The following LRRC28 variants were observed in gnomAD, a reference collection of about 807,000 sequenced individuals.
The protein encoded by LRRC28 is leucine rich repeat containing 28, also known as leucine-rich repeat-containing protein 28.
In LRRC28, 39 loss-of-function variants were observed where a neutral mutation model predicts 45.7. The observed-to-expected ratio is 0.85, with a 90% CI of 0.66 to 1.12. The LOEUF is 1.12. Ranked by LOEUF, LRRC28 falls within the 50% of genes most tolerant of loss-of-function variation. LRRC28 has a pLI of 0.00. For synonymous variants in LRRC28, 206 were observed against 178.8 expected (o/e 1.15, Z -1.22); for missense variants, 435 against 438.5 (o/e 0.99, Z 0.07).
intron 6 of LRRC28, chr15:99,338,190 G>A (rs1040423585): frequency 1.3e-5 from 2 of 152,210 alleles, no homozygotes; most frequent in Non-Finnish European, 2.9e-5. Flanking sequence ...TTGTCTTTCT[G>A]TTTCTGGGGG....
At chr15:99,287,768 A>G (rs1172672068) in intron 4 of LRRC28, 46 bp from the exon 5 acceptor site, 7 of 1,551,334 alleles carry the variant, frequency 4.5e-6, no homozygotes, top group Non-Finnish European at 6.1e-6. Context: ...GATTTGATGT[A>G]ATACTTGAGT....
chr15:99,369,480 T>G (rs1463489607), intron 9 of LRRC28, among the ~76,000 whole-genome samples: 1 of 152,044 alleles, frequency 6.6e-6, no homozygotes, highest in Non-Finnish European at 1.5e-5. Flanking sequence ...GAGGTTAGAG[T>G]TGAAGTTGCA....
intron 2 of LRRC28, among the ~76,000 whole-genome samples, chr15:99,271,723 A>G (rs2081484772): frequency 6.6e-6 from 1 of 152,120 alleles, no homozygotes; most frequent in Non-Finnish European, 1.5e-5. Context: ...CAGCCTCCAG[A>G]GTAGCTGGTA....
Position 99,288,000 on chromosome 15 carries a change from G to A in LRRC28, c.385+49G>A, listed in dbSNP as rs368857436. ...ATAGTTTCTTGTCTATTATAAATCT[G>A]TATTCATATTTCTCACTCTATGTCT... On this transcript the variant is annotated intron_variant, in intron 5 of 9. Coordinates refer to ENST00000301981, the MANE Select transcript of LRRC28 (RefSeq NM_144598.5). The A allele has an allele frequency of 2.7e-6, 4 of 1,491,414 alleles. No individual in the cohort carries two copies. In the South Asian group the frequency reaches 5.7e-5, roughly 21 times the overall value. The allele number at this position is 1,491,414 out of a possible 1,614,324, so 92.4% of individuals were successfully genotyped here. A position where few individuals can be genotyped will look rare whatever the true frequency, so the allele number is the denominator to read the frequency against.
intron 6 of LRRC28, among the ~76,000 whole-genome samples, chr15:99,342,090 G>T (rs1956534225): frequency 6.6e-6 from 1 of 152,194 alleles, no homozygotes; most frequent in Non-Finnish European, 1.5e-5. Flanking sequence ...CTTCTCTGAA[G>T]GAATTCTTGG....
At chr15:99,341,083 C>CTTTTTTTTTT (rs528372394) in intron 6 of LRRC28, among the ~76,000 whole-genome samples, 5 of 100,504 alleles carry the variant, frequency 5.0e-5, no homozygotes, top group African/African-American at 3.8e-5. Context: ...ATTCTACTGT[C>CTTTTTTTTTT]TTTTTTTTTT....
chr15:99,377,814 T>G (rs910204902), intron 9 of LRRC28, among the ~76,000 whole-genome samples: 197 of 152,192 alleles, frequency 1.3e-3, no homozygotes, highest in African/African-American at 3.9e-3. Context: ...TTTCCCCATT[T>G]CTTGTTTTTG....
At chr15:99,385,590 C>T (rs1400090539) in intron 9 of LRRC28, among the ~76,000 whole-genome samples, 2 of 152,200 alleles carry the variant, frequency 1.3e-5, no homozygotes, top group Admixed American at 6.5e-5. Context: ...GGATAAATTC[C>T]TTAAAATTAT....
intron 7 of LRRC28, among the ~76,000 whole-genome samples, chr15:99,353,240 G>A (rs1956942334): frequency 6.6e-6 from 1 of 152,054 alleles, no homozygotes; most frequent in Admixed American, 6.6e-5. Flanking sequence ...ACACCCCGGG[G>A]GCAACCTAAT....
chr15:99,340,702 G>A (rs138388552), intron 6 of LRRC28, among the ~76,000 whole-genome samples: 24 of 152,310 alleles, frequency 1.6e-4, no homozygotes, highest in African/African-American at 4.6e-4. Flanking sequence ...CAAAAAGTCC[G>A]AGAAGTTGGA....
chr15:99,342,549 T>G (rs1317188846), intron 6 of LRRC28, among the ~76,000 whole-genome samples: 1 of 152,170 alleles, frequency 6.6e-6, no homozygotes, highest in African/African-American at 2.4e-5. Context: ...AAATACCACA[T>G]AAGTATACAG....
rs763554527 is a variant in LRRC28 at position 99,287,242 on chromosome 15, C to CT, written c.210-10dup. ...CTTAATGATAATGGCTGTTTTTTTTCTTTTTCCTTCCTAGATACCTGCACT... is the reference window on the plus strand; with the variant it reads ...CTTAATGATAATGGCTGTTTTTTTTCTTTTTTCCTTCCTAGATACCTGCACT... On this transcript the variant is annotated splice_polypyrimidine_tract_variant and intron_variant, in intron 3 of 9. Transcript: ENST00000301981. The CT allele has an allele frequency of 8.3e-6, 13 of 1,559,710 alleles. No homozygotes were observed. The East Asian group carries it at 2.8e-4, about 34-fold the overall frequency.
chr15:99,308,549 G>A (rs2152259590), intron 5 of LRRC28, among the ~76,000 whole-genome samples: 1 of 152,278 alleles, frequency 6.6e-6, no homozygotes, highest in East Asian at 1.9e-4. Context: ...GCACGTGCCT[G>A]TAGTCCCAAC....
chr15:99,354,555 C>T (rs1206043991), intron 7 of LRRC28, among the ~76,000 whole-genome samples: 1 of 152,160 alleles, frequency 6.6e-6, no homozygotes, highest in Admixed American at 6.5e-5. Flanking sequence ...TGATTCAGAA[C>T]ACGAATTTTG....
intron 5 of LRRC28, among the ~76,000 whole-genome samples, chr15:99,320,981 T>G (rs958421401): frequency 6.6e-6 from 1 of 152,210 alleles, no homozygotes; most frequent in Non-Finnish European, 1.5e-5. Flanking sequence ...ACATCATTCT[T>G]ACAAGAATGC....
intron 2 of LRRC28, chr15:99,258,243 A>C (rs922841203): frequency 1.1e-5 from 18 of 1,593,526 alleles, no homozygotes; most frequent in Non-Finnish European, 1.3e-5. Context: ...GTAGCAGATA[A>C]GGTTATTGTC....
chr15:99,375,241 G>A (rs1278705385), intron 9 of LRRC28, among the ~76,000 whole-genome samples: 1 of 152,000 alleles, frequency 6.6e-6, no homozygotes, highest in Non-Finnish European at 1.5e-5. Context: ...ATGATCATAT[G>A]GTTTTTCTTT....
chr15:99,271,833 A>T (rs1019929245), intron 2 of LRRC28, among the ~76,000 whole-genome samples: 12 of 152,190 alleles, frequency 7.9e-5, no homozygotes, highest in Admixed American at 4.6e-4. Context: ...TCTTGACTTC[A>T]AATGATCCAC....
chr15:99,322,629 A>G (rs767828418), intron 5 of LRRC28, among the ~76,000 whole-genome samples: 5 of 152,196 alleles, frequency 3.3e-5, no homozygotes, highest in African/African-American at 9.7e-5. Flanking sequence ...TGATTAAAAG[A>G]TTTTAAAAGG....
Sources: allele counts gnomAD v4.1 joint callset (sites outside exome capture counted in the v4.1 genomes callset), GRCh38; gene constraint gnomAD v4.1.1; transcripts MANE v1.5; gene names NCBI Gene and HGNC (gene_info 2026-07-23, HGNC 2026-07-21).